Variants in TPM1 observed in about 807,000 individuals in gnomAD.
The protein encoded by TPM1 is tropomyosin 1.
Under a neutral mutation model 42.9 loss-of-function variants are expected in TPM1, and 24 were observed. That is an observed-to-expected ratio of 0.56 (90% CI 0.41 to 0.79). The LOEUF is 0.79. TPM1 is among the 30% of genes least tolerant of loss of function. The pLI is 0.00. For missense variants in TPM1, 158 were observed against 351.8 expected, an observed-to-expected ratio of 0.45 and a Z score of 4.41; for synonymous variants, 136 against 130.1, an observed-to-expected ratio of 1.05 and a Z score of -0.31.
Position 63,065,978 on chromosome 15 carries a change from C to T in TPM1, c.*79C>T. 2 of 1,582,054 alleles carry T rather than the reference C, an allele frequency of 1.3e-6. No individual in the cohort carries two copies. The highest frequency in any genetic ancestry group is 2.3e-5 in the South Asian group (2 of 86,854). On this transcript the variant is annotated 3_prime_UTR_variant, in exon 10 of 10. Coordinates refer to ENST00000403994, the MANE Select transcript of TPM1 (RefSeq NM_001018005.2). ...TCTCTGAGCTCTGCATTTGTCTATT[C>T]TCCAGCTGACCCTGGTTCTCTCTCT...
intron 1 of TPM1, 141 bp from the exon 2 acceptor site, chr15:63,043,884 TTC>T (rs2031797500): frequency 3.2e-6 from 5 of 1,550,872 alleles, no homozygotes; most frequent in Non-Finnish European, 4.4e-6. Flanking sequence ...CTCTTTCTCT[TTC>T]TCTCTCTCCC....
At chr15:63,048,857 C>T in intron 2 of TPM1, 1 of 1,099,112 alleles carries the variant, frequency 9.1e-7, no homozygotes, top group Non-Finnish European at 1.3e-6. Flanking sequence ...CAGCTGGCGG[C>T]GGGCTCTGGG....
chr15:63,059,689 C>T lies in TPM1; in HGVS notation c.492+9C>T. On this transcript the variant is annotated intron_variant, in intron 4 of 9. Transcript: ENST00000403994. ...ACCGCAAATATGAAGAGGTCAGATC[C>T]TGGGGCCCAAAGCCTTGTGGACACC... is the stretch of plus-strand genomic sequence containing the variant. The T allele has an allele frequency of 1.3e-6, 2 of 1,595,334 alleles. No homozygotes were observed. Among genetic ancestry groups the T allele is most frequent in the Non-Finnish European group, 1.7e-6 (2 of 1,165,232 alleles).
intron 8 of TPM1, chr15:63,063,525 A>G (rs575580850): frequency 4.1e-6 from 1 of 243,402 alleles, no homozygotes; most frequent in Non-Finnish European, 6.6e-6. Context: ...AAATGGCACT[A>G]AGAAATCGCT....
downstream of TPM1, chr15:63,070,989 C>T (rs1206432448): frequency 7.6e-6 from 12 of 1,587,844 alleles, no homozygotes; most frequent in Non-Finnish European, 1.0e-5. Flanking sequence ...CTAATCATCT[C>T]ATCCTGTGTT....
At chr15:63,069,644 C>G (rs539449149), downstream of TPM1, among the ~76,000 whole-genome samples, 9 of 152,280 alleles carry the variant, frequency 5.9e-5, no homozygotes, top group African/African-American at 1.9e-4. Flanking sequence ...CTTTCCTCAC[C>G]AAGAGAGAAA....
At chr15:63,067,383 G>A (rs550174175), downstream of TPM1, among the ~76,000 whole-genome samples, 29 of 152,254 alleles carry the variant, frequency 1.9e-4, no homozygotes, top group Admixed American at 3.9e-4. Flanking sequence ...CTTTTCTTAA[G>A]GCTCCTTGGG....
chr15:63,058,461 C>G (rs2140924062), intron 3 of TPM1, among the ~76,000 whole-genome samples: 1 of 152,220 alleles, frequency 6.6e-6, no homozygotes, highest in African/African-American at 2.4e-5. Context: ...AATCCCAGCA[C>G]TTTAGGGGGC....
At chr15:63,060,385 A>G (rs1425248685) in intron 4 of TPM1, among the ~76,000 whole-genome samples, 3 of 151,920 alleles carry the variant, frequency 2.0e-5, no homozygotes, top group Non-Finnish European at 4.4e-5. Flanking sequence ...TACAAATTTG[A>G]TTTTGTCAGT....
At chr15:63,043,005 C>A in intron 1 of TPM1, 62 bp downstream of exon 1, 1 of 1,438,460 alleles carries the variant, frequency 7.0e-7, no homozygotes, top group East Asian at 2.5e-5. Context: ...CTGGCACCCC[C>A]GGCTGGATCC....
At chr15:63,052,284 C>A (rs542697996) in intron 2 of TPM1, among the ~76,000 whole-genome samples, 1 of 152,112 alleles carries the variant, frequency 6.6e-6, no homozygotes, top group African/African-American at 2.4e-5. Flanking sequence ...ACACTTTGGG[C>A]GGCCGAGACG....
At chr15:63,048,892 G>T in intron 2 of TPM1, 1 of 762,520 alleles carries the variant, frequency 1.3e-6, no homozygotes, top group South Asian at 1.5e-5. Context: ...GTTCTCCTGA[G>T]CCTTTGTTTT....
chr15:63,048,289 G>A (rs906378219), intron 2 of TPM1: 2 of 677,970 alleles, frequency 2.9e-6, no homozygotes, highest in Non-Finnish European at 4.8e-6. Context: ...CGCCGGGAGC[G>A]CCTTTCTCCC....
rs1217598003 is a variant in TPM1, at chr15:63,066,090, G to A, written c.*191G>A. ...TCAGTGTCAAATAAACACTGTGTAA[G>A]CTATTTCTGTTTGCTATTCTTTTTA... On this transcript the variant is annotated 3_prime_UTR_variant, in exon 10 of 10. Coordinates refer to ENST00000403994, the MANE Select transcript of TPM1 (RefSeq NM_001018005.2). 6.6e-7 allele frequency: 1 copy of A among 1,507,976 alleles called. No individual in the cohort carries two copies. Among genetic ancestry groups the A allele is most frequent in the African/African-American group, 1.4e-5 (1 of 71,154 alleles). 93.4% of individuals were successfully genotyped at this position (1,507,976 alleles called of 1,614,324 possible). A position where few individuals can be genotyped will look rare whatever the true frequency, so the allele number is the denominator to read the frequency against.
chr15:63,065,829 CT>C (rs1261948071), intron 9 of TPM1, 66 bp from the exon 10 acceptor site: 11 of 1,509,394 alleles, frequency 7.3e-6, no homozygotes, highest in Non-Finnish European at 9.9e-6. Flanking sequence ...GTTTGGTTTC[CT>C]TTCTTTTTTT....
At chr15:63,050,612 A>C (rs556363434) in intron 2 of TPM1, among the ~76,000 whole-genome samples, 1 of 152,216 alleles carries the variant, frequency 6.6e-6, no homozygotes, top group Admixed American at 6.5e-5. Context: ...GCTTTATATC[A>C]AAAGTAGTTT....
downstream of TPM1, chr15:63,071,034 C>A: frequency 1.9e-6 from 3 of 1,610,932 alleles, no homozygotes; most frequent in Non-Finnish European, 1.7e-6. Flanking sequence ...ATGTACAAAC[C>A]ACCATTGTGT....
At chr15:63,048,271 C>G (rs775913636) in intron 2 of TPM1, 3 of 582,410 alleles carry the variant, frequency 5.2e-6, no homozygotes, top group South Asian at 3.0e-5. Flanking sequence ...CCAGGTACCC[C>G]CGCAGCGCGC....
chr15:63,071,163 C>T (rs1424168217), downstream of TPM1: 3 of 1,613,892 alleles, frequency 1.9e-6, no homozygotes, highest in South Asian at 2.2e-5. Flanking sequence ...TGGAGTTAAA[C>T]AACATGTGAA....
Sources: gnomAD v4.1 joint callset for allele counts (sites outside exome capture counted in the v4.1 genomes callset) on GRCh38, gnomAD v4.1.1 for gene constraint, MANE v1.5 for transcripts, NCBI Gene and HGNC (gene_info 2026-07-23, HGNC 2026-07-21) for gene names.